Variants in CPT2 observed in about 807,000 individuals in gnomAD.
CPT2 encodes the protein carnitine palmitoyltransferase 2.
In CPT2, 37 loss-of-function variants were observed where a neutral mutation model predicts 48.6. That is an observed-to-expected ratio of 0.76 (90% CI 0.59 to 1.00). The LOEUF (loss-of-function observed/expected upper bound fraction) is 1.00. CPT2 is among the 50% of genes least tolerant of loss of function. The pLI is 0.00. For synonymous variants in CPT2, 319 were observed against 326.9 expected (o/e 0.98, Z 0.26); for missense variants, 772 against 825.6 (o/e 0.94, Z 0.80).
intron 3 of CPT2, among the ~76,000 whole-genome samples, chr1:53,205,007 A>G (rs945540358): frequency 1.1e-4 from 16 of 152,098 alleles, no homozygotes; most frequent in African/African-American, 3.9e-4. Flanking sequence ...AATATAGAAA[A>G]CTGGTACCAG....
At chr1:53,212,499 C>CT (rs1645435794) in intron 4 of CPT2, among the ~76,000 whole-genome samples, 1 of 152,230 alleles carries the variant, frequency 6.6e-6, no homozygotes, top group Non-Finnish European at 1.5e-5. Flanking sequence ...TGCACCCAAC[C>CT]TTTTTCTATT....
Position 53,211,291 on chromosome 1 carries a change from T to A in CPT2, c.1617T>A (p.His539Gln), listed in dbSNP as rs1259453775. 1 of 1,609,548 alleles carries A rather than the reference T, an allele frequency of 6.2e-7. No homozygotes were observed. Among genetic ancestry groups the A allele is most frequent in the Non-Finnish European group, 8.5e-7 (1 of 1,177,882 alleles). The change falls in exon 4 of 5, where the codon CAT becomes CAA. Residue 539 changes from histidine to glutamine, a missense_variant. Transcript: ENST00000371486. ...TGATGGTTGAGTGCTCCAAGTACCA[T>A]GGCCAGCTGACCAAAGAAGCAGCAA... is the stretch of plus-strand genomic sequence containing the variant. ...QQMMVECSKY[H>Q]GQLTKEAAMG...
At position 53,210,318 on chromosome 1, in the gene CPT2, C is replaced by T; in HGVS notation, c.644C>T (p.Ser215Phe). 6.2e-7 allele frequency: 1 copy of T among 1,614,146 alleles called. No homozygotes were observed. The highest frequency in any genetic ancestry group is 1.1e-5 in the South Asian group (1 of 91,086). Reference protein sequence around the residue: ...YLVNAYPLDMSQYFRLFNSTR... With the variant: ...YLVNAYPLDMFQYFRLFNSTR... ...GTCAATGCGTATCCCCTGGATATGT[C>T]CCAGTATTTTCGGCTTTTCAACTCA... Residue 215 changes from serine to phenylalanine, a missense_variant, in exon 4 of 5, where the codon TCC becomes TTC. Ser to Phe is a radical substitution (Grantham distance 155). Coordinates refer to ENST00000371486, the MANE Select transcript of CPT2 (RefSeq NM_000098.3).
chr1:53,210,000 CTTTTT>C lies in CPT2; in HGVS notation c.341-14_341-10del. 1 of 1,601,626 alleles carries C rather than the reference CTTTTT, an allele frequency of 6.2e-7. No homozygotes were observed. Among genetic ancestry groups the C allele is most frequent in the Non-Finnish European group, 8.5e-7 (1 of 1,170,476 alleles). ...CATTAACATTTTATGTTATTTTTTT[CTTTTT>C]ATTTTTTAGGACCCTGGTTTGATAT... On this transcript the variant is annotated splice_polypyrimidine_tract_variant and intron_variant, in intron 3 of 4. Coordinates refer to ENST00000371486, the MANE Select transcript of CPT2 (RefSeq NM_000098.3).
Position 53,213,644 on chromosome 1 carries a change from G to A in CPT2, c.*49G>A. Reference sequence around the variant, plus strand: ...CATCACTTCCTCATCATGAAAACTGGGAGGCCGGGCATGGTGGCTCATGCC... The same window carrying A: ...CATCACTTCCTCATCATGAAAACTGAGAGGCCGGGCATGGTGGCTCATGCC... On this transcript the variant is annotated 3_prime_UTR_variant, in exon 5 of 5. Transcript: ENST00000371486. The A allele has an allele frequency of 6.5e-7, 1 of 1,537,054 alleles. No homozygotes were observed. The highest frequency in any genetic ancestry group is 1.4e-5 in the African/African-American group (1 of 73,674).
At position 53,210,269 on chromosome 1, in the gene CPT2, C is replaced by G; in HGVS notation, c.595C>G (p.Leu199Val). The change falls in exon 4 of 5, where the codon CTG becomes GTG. Residue 199 changes from leucine (L) to valine (V), a missense_variant. Leu to Val is a conservative substitution (Grantham distance 32, BLOSUM62 1). Coordinates refer to ENST00000371486, the MANE Select transcript of CPT2 (RefSeq NM_000098.3). ...ACTCATACGCTTTGTGCCTTCCTCT[C>G]TGTCCTGGTATGGGGCCTACCTGGT... ...KRLIRFVPSS[L>V]SWYGAYLVNA... is the part of the protein sequence containing the mutation. 6.2e-7 allele frequency: 1 copy of G among 1,614,204 alleles called. No homozygotes were observed. Among genetic ancestry groups the G allele is most frequent in the Non-Finnish European group, 8.5e-7 (1 of 1,180,048 alleles).
At position 53,213,368 on chromosome 1, in the gene CPT2, C is replaced by G; in HGVS notation, c.1750C>G (p.His584Asp). 6.2e-7 allele frequency: 1 copy of G among 1,614,232 alleles called. No homozygotes were observed. The highest frequency in any genetic ancestry group is 1.1e-5 in the South Asian group (1 of 91,082). Reference protein sequence around the residue: ...YLDPAYGQINHNVLSTSTLSS... With the variant: ...YLDPAYGQINDNVLSTSTLSS... ...GGACCCTGCATACGGGCAGATAAAC[C>G]ACAATGTCCTGTCCACGAGCACACT... The change falls in exon 5 of 5, where the codon CAC (histidine) becomes GAC (aspartate). Residue 584 changes from histidine (H) to aspartate (D), a missense_variant. Transcript: ENST00000371486.
Position 53,211,125 on chromosome 1 carries a change from C to G in CPT2, c.1451C>G (p.Ala484Gly), listed in dbSNP as rs374183980. Reference sequence around the variant, plus strand: ...CTGCGGCAGTACGGGCAGACAGTGGCCACCTACGAGTCCTGTAGCACTGCC... The same window carrying G: ...CTGCGGCAGTACGGGCAGACAGTGGGCACCTACGAGTCCTGTAGCACTGCC... ...AFLRQYGQTV[A>G]TYESCSTAAF... Residue 484 changes from alanine (A) to glycine (G), a missense_variant, in exon 4 of 5, where the codon GCC becomes GGC. Ala to Gly is a moderately conservative substitution (Grantham distance 60, BLOSUM62 0). Transcript: ENST00000371486. 5.6e-6 allele frequency: 9 copies of G among 1,613,790 alleles called. No homozygotes were observed. The African/African-American group carries it at 1.1e-4, about 19-fold the overall frequency.
intron 3 of CPT2, among the ~76,000 whole-genome samples, chr1:53,206,578 T>C (rs930334423): frequency 6.6e-6 from 1 of 152,226 alleles, no homozygotes. Context: ...ATGTGAGACA[T>C]GGAGTCAAAG....
chr1:53,211,918 G>A (rs1328360363), intron 4 of CPT2, among the ~76,000 whole-genome samples: 3 of 149,806 alleles, frequency 2.0e-5, no homozygotes, highest in East Asian at 2.0e-4. Flanking sequence ...TTGGAGACAC[G>A]GTCTCATTCT....
rs779896844 is a variant in CPT2, at chr1:53,200,699, T to C, written c.153-20T>C. ...CTTCCATATACTGTCAGCCTTACAC[T>C]GACCCTGCTTTCTCCCCAGGCTGCC... On this transcript the variant is annotated intron_variant, in intron 1 of 4. Transcript: ENST00000371486. The C allele has an allele frequency of 6.3e-7, 1 of 1,590,438 alleles. No homozygotes were observed. Among genetic ancestry groups the C allele is most frequent in the Admixed American group, 1.7e-5 (1 of 59,978 alleles).
Position 53,210,910 on chromosome 1 carries a change from G to A in CPT2, c.1236G>A (p.Val412=), listed in dbSNP as rs544400632. 3 of 1,614,174 alleles carry A rather than the reference G, an allele frequency of 1.9e-6. No individual in the cohort carries two copies. Among genetic ancestry groups the A allele is most frequent in the African/African-American group, 2.7e-5 (2 of 75,038 alleles). ...CTACCACTGACTCTACTGTCACGGT[G>A]CAGAAACTCAACTTCGAGCTGACTG... is the stretch of plus-strand genomic sequence containing the variant. ...QPATTDSTVT[V]QKLNFELTDA... is the part of the protein sequence containing the mutation. The change falls in exon 4 of 5, where the codon GTG becomes GTA. Residue 412 remains valine (V), a synonymous_variant. Transcript: ENST00000371486.
intron 3 of CPT2, among the ~76,000 whole-genome samples, chr1:53,207,220 T>C (rs1448756047): frequency 6.6e-6 from 1 of 152,218 alleles, no homozygotes; most frequent in Non-Finnish European, 1.5e-5. Context: ...TCAGTTAAGC[T>C]TCTCTTCTTT....
intron 1 of CPT2, among the ~76,000 whole-genome samples, chr1:53,199,340 C>G (rs1426533612): frequency 6.6e-6 from 1 of 152,126 alleles, no homozygotes; most frequent in Admixed American, 6.5e-5. Context: ...AGGCATGCAC[C>G]ATCATGCCTG....
intron 3 of CPT2, among the ~76,000 whole-genome samples, chr1:53,205,875 A>G (rs1645384373): frequency 6.6e-6 from 1 of 152,230 alleles, no homozygotes; most frequent in Admixed American, 6.5e-5. Context: ...GCAGAAAACA[A>G]GAGTTGAGGT....
At position 53,210,528 on chromosome 1, in the gene CPT2, A is replaced by C; in HGVS notation, c.854A>C (p.Glu285Ala). Residue 285 changes from glutamate (E) to alanine (A), a missense_variant, in exon 4 of 5, where the codon GAG becomes GCG. By Grantham distance (107) the Glu-to-Ala change is moderately radical (BLOSUM62 -1). Coordinates refer to ENST00000371486, the MANE Select transcript of CPT2 (RefSeq NM_000098.3). ...YILSDSSPAP[E>A]FPLAYLTSEN... Reference sequence around the variant, plus strand: ...CTCTCAGACAGCAGCCCCGCCCCCGAGTTTCCCCTGGCATACCTGACCAGT... The same window carrying C: ...CTCTCAGACAGCAGCCCCGCCCCCGCGTTTCCCCTGGCATACCTGACCAGT... 6.2e-7 allele frequency: 1 copy of C among 1,614,116 alleles called. No individual in the cohort carries two copies. The highest frequency in any genetic ancestry group is 1.1e-5 in the South Asian group (1 of 91,080).
chr1:53,197,524 T>C (rs1572378644), intron 1 of CPT2: 1 of 278,660 alleles, frequency 3.6e-6, no homozygotes, highest in Non-Finnish European at 7.0e-6. Context: ...TGATTCCTAA[T>C]ACATCATGGT....
intron 3 of CPT2, chr1:53,209,784 C>CA (rs1645409683): frequency 1.8e-6 from 1 of 555,714 alleles, no homozygotes. Flanking sequence ...CCCAAAAAAA[C>CA]AAAACAAAAA....
intron 3 of CPT2, among the ~76,000 whole-genome samples, chr1:53,205,777 G>A (rs1645383749): frequency 1.3e-5 from 2 of 152,196 alleles, no homozygotes; most frequent in African/African-American, 2.4e-5. Flanking sequence ...ATGGCTAAAA[G>A]GGGCCAAGGC....
Sources: allele counts gnomAD v4.1 joint callset (sites outside exome capture counted in the v4.1 genomes callset), GRCh38; gene constraint gnomAD v4.1.1; transcripts MANE v1.5; gene names NCBI Gene and HGNC (gene_info 2026-07-23, HGNC 2026-07-21).